SMG5: variants seen among roughly 807,000 people sequenced by gnomAD.
SMG5 encodes the protein nonsense-mediated mRNA decay factor SMG5.
In SMG5, 53 loss-of-function variants were observed where a neutral mutation model predicts 122.9. That is an observed-to-expected ratio of 0.43 (90% CI 0.35 to 0.54). SMG5 has a LOEUF of 0.54. Ranked by LOEUF, SMG5 falls within the 20% of genes least tolerant of loss-of-function variation. The pLI, the probability that SMG5 is intolerant of heterozygous loss-of-function variation, is 0.01. For synonymous variants in SMG5, 477 were observed against 490.2 expected, an observed-to-expected ratio of 0.97 and a Z score of 0.35; for missense variants, 1,153 against 1,285.6, an observed-to-expected ratio of 0.90 and a Z score of 1.58.
chr1:156,271,661 CCTCCTGGGTTCAAGTGATT>C (rs200382333), intron 7 of SMG5, among the ~76,000 whole-genome samples: 33,586 of 115,052 alleles, frequency 0.29, 4,354 homozygotes, highest in Admixed American at 0.37. Context: ...GCAACCTCTG[CCTCCTGGGTTCAAGTGATT>C]CTCCTGCGTT....
In SMG5 at chr1:156,253,936, T is replaced by G. The variant is rs978994717; in HGVS notation, c.2443-428A>C. 4.2e-4 allele frequency among the ~76,000 whole-genome samples: 64 copies of G among 152,328 alleles called. 1 individual carries two copies. Among genetic ancestry groups the G allele is most frequent in the Admixed American group, 4.1e-3 (62 of 15,298 alleles). On this transcript the variant is annotated intron_variant, in intron 16 of 21. Transcript: ENST00000361813. ...AGATTCAGCCCAGGCCTGACCATCC[T>G]GAGCTCCAGACCCACACATACAACT...
rs910340721 is a variant in SMG5 at position 156,251,340 on chromosome 1, G to A, written c.2828+63C>T. ...ATCCAGCCCTACCCGTTCTCCCTAG[G>A]AATGCTCGTGGAGGAGCAAGGCAGG... On this transcript the variant is annotated intron_variant, in intron 20 of 21. Transcript: ENST00000361813. 1.3e-5 allele frequency: 20 copies of A among 1,561,578 alleles called. No homozygotes were observed. The African/African-American group carries it at 1.6e-4, about 13-fold the overall frequency.
upstream of SMG5, chr1:156,286,342 C>G (rs776067593): frequency 1.1e-5 from 18 of 1,614,126 alleles, no homozygotes; most frequent in East Asian, 4.0e-4. Context: ...TGGAGATCCA[C>G]CGGCGATATG....
In SMG5 at chr1:156,249,701, T is replaced by G. The variant is rs1355950008; in HGVS notation, c.*886A>C. 2.1e-6 allele frequency: 1 copy of G among 467,650 alleles called. No homozygotes were observed. 29.0% of individuals were successfully genotyped at this position (467,650 alleles called of 1,614,324 possible). A position where few individuals can be genotyped will look rare whatever the true frequency, so the allele number is the denominator to read the frequency against. ...GCCCACTGAATGCCGGCCCCTTGTC[T>G]TCAGCCCTCCCTTAGATAGGAAGGG... On this transcript the variant is annotated 3_prime_UTR_variant, in exon 22 of 22. Transcript: ENST00000361813.
chr1:156,277,188 A>T lies in SMG5; in HGVS notation c.351T>A (p.Ala117=). The change falls in exon 4 of 22, where the codon GCT becomes GCA. Residue 117 remains alanine (A), a synonymous_variant. Transcript: ENST00000361813. The part of the protein sequence containing the change: ...LECAYRTHLV[A]GIGFYQHLLL... Reference sequence around the variant, plus strand: ...GGAGATGCTGGTAGAAGCCAATACCAGCAACCAGGTGCGTCCTGTAGGCAC... The same window carrying T: ...GGAGATGCTGGTAGAAGCCAATACCTGCAACCAGGTGCGTCCTGTAGGCAC... 1.2e-6 allele frequency: 2 copies of T among 1,613,982 alleles called. No homozygotes were observed. The highest frequency in any genetic ancestry group is 1.7e-6 in the Non-Finnish European group (2 of 1,179,974).
Position 156,250,925 on chromosome 1 carries a change from C to T in SMG5, c.2900G>A (p.Ser967Asn). ...GCCTGTGATGATGGTCACCATGCCA[C>T]TCGGATCCTCCTCACCTGCCCCCTG... ...LAQGAGEEDP[S>N]GMVTIITGLP... The change falls in exon 21 of 22, where the codon AGT becomes AAT. Residue 967 changes from serine (S) to asparagine (N), a missense_variant. Coordinates refer to ENST00000361813, the MANE Select transcript of SMG5 (RefSeq NM_015327.3). 6.2e-7 allele frequency: 1 copy of T among 1,613,968 alleles called. No homozygotes were observed. Among genetic ancestry groups the T allele is most frequent in the Non-Finnish European group, 8.5e-7 (1 of 1,179,910 alleles).
Position 156,253,033 on chromosome 1 carries a change from G to A in SMG5, c.2548C>T (p.Gln850Ter). Residue 850 changes from glutamine to a stop codon, truncating the protein, a stop_gained, in exon 18 of 22, where the codon CAG becomes TAG. Coordinates refer to ENST00000361813, the MANE Select transcript of SMG5 (RefSeq NM_015327.3). LOFTEE classifies it high-confidence loss of function. ...LEGSLQQPKA[Q>*]SAMSPYLVPD... Reference sequence around the variant, plus strand: ...ACGAGGTAGGGAGACATGGCTGACTGGGCCTTGGGCTGCTGCAGGCTGCCC... The same window carrying A: ...ACGAGGTAGGGAGACATGGCTGACTAGGCCTTGGGCTGCTGCAGGCTGCCC... 1 of 1,612,476 alleles carries A rather than the reference G, an allele frequency of 6.2e-7. No homozygotes were observed. The highest frequency in any genetic ancestry group is 1.7e-5 in the Admixed American group (1 of 59,788).
At position 156,273,492 on chromosome 1, in the gene SMG5, GT is replaced by G. The variant is rs1662533436; in HGVS notation, c.545-43del. On this transcript the variant is annotated intron_variant, in intron 5 of 21. Transcript: ENST00000361813. ...ACGAAGGGAAACTCGATGATTTTAA[GT>G]TTCAGAAAACCCTCCCCCACATCTG... The G allele has an allele frequency of 7.6e-6, 12 of 1,586,132 alleles. No individual in the cohort carries two copies. The East Asian group carries it at 2.7e-4, about 36-fold the overall frequency.
upstream of SMG5, chr1:156,285,053 G>A (rs760223462): frequency 2.1e-5 from 13 of 614,968 alleles, no homozygotes; most frequent in South Asian, 3.9e-4. Flanking sequence ...TCTGTACCAC[G>A]TTCTCCCTAA....
At position 156,277,088 on chromosome 1, in the gene SMG5, T is replaced by C. The variant is rs142278952; in HGVS notation, c.451A>G (p.Ile151Val). 1,032 of 1,613,248 alleles carry C rather than the reference T, an allele frequency of 6.4e-4. 5 individuals are homozygous for C. In the African/African-American group the frequency reaches 0.011, roughly 18 times the overall value. The stretch of plus-strand genomic sequence containing the variant: ...CCACCTTTCAGGTTCCACTGACCTA[T>C]GAGGGGGTCAGTGACATGGGTCCAG... ...IDWTHVTDPL[I>V]GCKKPVSASG... The change falls in exon 4 of 22, where the codon ATA becomes GTA. Residue 151 changes from isoleucine to valine, a missense_variant. Transcript: ENST00000361813.
At chr1:156,257,670 C>G (rs910018594) in intron 16 of SMG5, among the ~76,000 whole-genome samples, 1 of 152,142 alleles carries the variant, frequency 6.6e-6, no homozygotes, top group African/African-American at 2.4e-5. Flanking sequence ...TTGTTTTTAA[C>G]AAAATGTGCT....
intron 7 of SMG5, among the ~76,000 whole-genome samples, chr1:156,271,791 C>A (rs1472060895): frequency 6.6e-6 from 1 of 152,008 alleles, no homozygotes; most frequent in Non-Finnish European, 1.5e-5. Context: ...TGGGGTTTCA[C>A]CATGTTGGCC....
At chr1:156,268,223 C>T (rs77533539) in intron 8 of SMG5, 40 bp from the exon 9 acceptor site, 105 of 1,614,008 alleles carry the variant, frequency 6.5e-5, no homozygotes, top group South Asian at 8.8e-5. Context: ...TGAATGGTCC[C>T]GCAGTCCCTA....
At chr1:156,276,651 C>T (rs940293121) in intron 4 of SMG5, among the ~76,000 whole-genome samples, 2 of 152,308 alleles carry the variant, frequency 1.3e-5, no homozygotes, top group Non-Finnish European at 2.9e-5. Context: ...GCTGCCAGTA[C>T]CTCAGCTGGT....
upstream of SMG5, chr1:156,286,059 G>C: frequency 1.3e-6 from 2 of 1,537,318 alleles, no homozygotes; most frequent in East Asian, 4.5e-5. Flanking sequence ...TGGGGAGCAG[G>C]AGGATTTCCC....
At position 156,277,119 on chromosome 1, in the gene SMG5, G is replaced by A. The variant is rs1467429664; in HGVS notation, c.420C>T (p.Cys140=). The A allele has an allele frequency of 6.8e-6, 11 of 1,613,776 alleles. No homozygotes were observed. Among genetic ancestry groups the A allele is most frequent in the Non-Finnish European group, 9.3e-6 (11 of 1,179,906 alleles). The change falls in exon 4 of 22, where the codon TGC becomes TGT. Residue 140 remains cysteine, a synonymous_variant. Transcript: ENST00000361813. Reference sequence around the variant, plus strand: ...GGTCAGTGACATGGGTCCAGTCGATGCAGCACTGCAGTTCCAGCTGGTAGT... The same window carrying A: ...GGTCAGTGACATGGGTCCAGTCGATACAGCACTGCAGTTCCAGCTGGTAGT... ...QSHYQLELQC[C]IDWTHVTDPL...
At chr1:156,253,694 A>G in intron 16 of SMG5, 186 bp from the exon 17 acceptor site, 1 of 628,298 alleles carries the variant, frequency 1.6e-6, no homozygotes, top group East Asian at 2.8e-5. Context: ...ACTCTGAACA[A>G]CTTCCATTAC....
chr1:156,261,104 T>C (rs979821698), intron 14 of SMG5, among the ~76,000 whole-genome samples: 11 of 152,190 alleles, frequency 7.2e-5, no homozygotes, highest in African/African-American at 2.7e-4. Context: ...TTGCATTCCC[T>C]AGGGAGCACA....
chr1:156,253,149 T>C, intron 17 of SMG5, 71 bp from the exon 18 acceptor site: 2 of 1,472,792 alleles, frequency 1.4e-6, no homozygotes, highest in Non-Finnish European at 1.8e-6. Flanking sequence ...AGAGTGGTGC[T>C]CAAGGTGGCT....
Sources: allele counts gnomAD v4.1 joint callset (sites outside exome capture counted in the v4.1 genomes callset), GRCh38; gene constraint gnomAD v4.1.1; transcripts MANE v1.5; gene names NCBI Gene and HGNC (gene_info 2026-07-23, HGNC 2026-07-21).